TEX11: variants seen among roughly 807,000 people sequenced by gnomAD.
TEX11 encodes testis expressed 11.
TEX11 carries 7 observed loss-of-function variants against 84.4 expected under a neutral mutation model. The ratio of observed to expected loss-of-function variants is 0.08; its 90% CI spans 0.05 to 0.16. The LOEUF (loss-of-function observed/expected upper bound fraction) is 0.16, where lower values mean the gene tolerates loss of function less well. Among genes scored for constraint, TEX11 ranks in the 10% least tolerant of loss-of-function variants. The pLI is 1.00. For missense variants in TEX11, 551 were observed against 660.5 expected (o/e 0.83, Z 1.82); for synonymous variants, 264 against 222.8 (o/e 1.18, Z -1.64).
rs188510369 is a variant in TEX11, at chrX:70,714,931, C to T, written c.1004+7687G>A. Among the ~76,000 whole-genome samples the T allele has an allele frequency of 5.4e-3, 606 of 111,471 alleles. 2 individuals are homozygous for T. Among genetic ancestry groups the T allele is most frequent in the African/African-American group, 0.018 (555 of 30,642 alleles). ...GGCATGTTTTTGCAGTGGCTTGTAC[C>T]GGTTGTTCCTTTCTATGTTTAGTGC... On this transcript the variant is annotated intron_variant, in intron 13 of 29. Transcript: ENST00000374333.
intron 17 of TEX11, among the ~76,000 whole-genome samples, chrX:70,639,978 G>C (rs989880222): frequency 1.8e-5 from 2 of 110,469 alleles, no homozygotes; most frequent in Admixed American, 1.9e-4. Flanking sequence ...TCTGAGCTAC[G>C]GGAGGACATT....
At chrX:70,862,790 C>T (rs774776834) in intron 4 of TEX11, among the ~76,000 whole-genome samples, 1 of 107,836 alleles carries the variant, frequency 9.3e-6, no homozygotes, top group Non-Finnish European at 1.9e-5. Flanking sequence ...TGGTGCATAC[C>T]TGTAATCCCA....
At chrX:70,841,720 T>C (rs77311175) in intron 7 of TEX11, among the ~76,000 whole-genome samples, 26 of 91,787 alleles carry the variant, frequency 2.8e-4, no homozygotes, top group South Asian at 5.1e-4. Flanking sequence ...TCAACGAAAT[T>C]GATAGACCGC....
chrX:70,863,286 C>T (rs1001432564), intron 4 of TEX11, among the ~76,000 whole-genome samples: 1 of 111,908 alleles, frequency 8.9e-6, no homozygotes, highest in Admixed American at 9.5e-5. Flanking sequence ...TGGGAGAGAC[C>T]TCCCAACAGG....
chrX:70,713,186 G>A (rs1377154670), intron 13 of TEX11, among the ~76,000 whole-genome samples: 4 of 111,515 alleles, frequency 3.6e-5, no homozygotes, highest in African/African-American at 1.3e-4. Flanking sequence ...TGCTGGATTC[G>A]GTTTGCCAGT....
At chrX:70,616,062 T>C (rs1211412291) in intron 20 of TEX11, among the ~76,000 whole-genome samples, 1 of 111,272 alleles carries the variant, frequency 9.0e-6, no homozygotes, top group Non-Finnish European at 1.9e-5. Context: ...GAAAGGATGT[T>C]AATGAGCAAG....
At chrX:70,628,211 C>G (rs756209907) in intron 18 of TEX11, among the ~76,000 whole-genome samples, 1 of 98,133 alleles carries the variant, frequency 1.0e-5, no homozygotes, top group Non-Finnish European at 2.0e-5. Context: ...GCCTGGGTGA[C>G]AGAGTGAGAC....
intron 28 of TEX11, among the ~76,000 whole-genome samples, chrX:70,539,090 A>G (rs765414675): frequency 1.8e-4 from 16 of 91,333 alleles, no homozygotes; most frequent in African/African-American, 6.2e-4. Flanking sequence ...GCTGGAGTGC[A>G]GTGGTGTGAT....
downstream of TEX11, among the ~76,000 whole-genome samples, chrX:70,527,153 A>G (rs1434389056): frequency 8.9e-6 from 1 of 112,235 alleles, no homozygotes. Flanking sequence ...GGCAAGAATC[A>G]CCAATGGATG....
intron 9 of TEX11, among the ~76,000 whole-genome samples, chrX:70,756,147 G>A (rs1210635695): frequency 8.9e-6 from 1 of 112,782 alleles, no homozygotes; most frequent in Non-Finnish European, 1.9e-5. Flanking sequence ...GCTCAGCAAG[G>A]CCTACTGCCT....
chrX:70,806,588 G>T, intron 9 of TEX11, 117 bp downstream of exon 9: 1 of 475,375 alleles, frequency 2.1e-6, no homozygotes, highest in Non-Finnish European at 3.7e-6. Flanking sequence ...AATAAATATA[G>T]CATGTTGGCT....
intron 9 of TEX11, among the ~76,000 whole-genome samples, chrX:70,789,252 T>C (rs1384053849): frequency 2.8e-5 from 3 of 107,970 alleles, no homozygotes; most frequent in African/African-American, 3.4e-5. Flanking sequence ...CCAACAGATA[T>C]ATGAAAAAAT....
intron 9 of TEX11, among the ~76,000 whole-genome samples, chrX:70,784,452 T>A (rs2091063972): frequency 1.8e-5 from 2 of 111,678 alleles, no homozygotes; most frequent in South Asian, 7.5e-4. Context: ...CCACTCCTAT[T>A]CAACATAATG....
At chrX:70,858,047 A>G (rs1464571717) in intron 5 of TEX11, among the ~76,000 whole-genome samples, 1 of 109,919 alleles carries the variant, frequency 9.1e-6, no homozygotes, top group Non-Finnish European at 1.9e-5. Flanking sequence ...GACTTTGGGG[A>G]TTTGGAGGGA....
intron 13 of TEX11, among the ~76,000 whole-genome samples, chrX:70,685,429 C>A (rs920276697): frequency 9.8e-5 from 11 of 111,730 alleles, no homozygotes; most frequent in African/African-American, 3.6e-4. Flanking sequence ...ACACATCCTA[C>A]AGCACACACA....
chrX:70,810,267 A>G (rs1164273693), intron 8 of TEX11, among the ~76,000 whole-genome samples: 16 of 111,992 alleles, frequency 1.4e-4, no homozygotes, highest in African/African-American at 4.9e-4. Flanking sequence ...CAGAAATACT[A>G]TTTGACCCAG....
intron 12 of TEX11, among the ~76,000 whole-genome samples, chrX:70,723,405 C>T (rs929057553): frequency 3.6e-5 from 4 of 110,784 alleles, no homozygotes; most frequent in African/African-American, 1.3e-4. Context: ...TGAATATACA[C>T]TAATATGAAA....
At chrX:70,815,641 T>C (rs2091282283) in intron 8 of TEX11, among the ~76,000 whole-genome samples, 1 of 111,463 alleles carries the variant, frequency 9.0e-6, no homozygotes, top group Admixed American at 9.6e-5. Flanking sequence ...AAAAACATAG[T>C]ATATATAGGA....
At chrX:70,641,172 G>A (rs752805905) in intron 17 of TEX11, among the ~76,000 whole-genome samples, 17 of 111,298 alleles carry the variant, frequency 1.5e-4, no homozygotes, top group Middle Eastern at 9.2e-3. Flanking sequence ...AGACAAAGAA[G>A]GCCATTACAT....
Sources: gnomAD v4.1 joint callset for allele counts (sites outside exome capture counted in the v4.1 genomes callset) on GRCh38, gnomAD v4.1.1 for gene constraint, MANE v1.5 for transcripts, NCBI Gene and HGNC (gene_info 2026-07-23, HGNC 2026-07-21) for gene names.